The following ZNF474 variants were observed in gnomAD, a reference collection of about 807,000 sequenced individuals.
ZNF474 encodes the protein zinc finger protein 474.
For missense variants in ZNF474, 511 were observed against 433.8 expected (o/e 1.18, Z -1.58); for synonymous variants, 192 against 162.2 (o/e 1.18, Z -1.39).
chr5:122,152,691 T>A lies in ZNF474; in HGVS notation c.701T>A (p.Leu234Gln). The change falls in exon 2 of 2, where the codon CTG becomes CAG. Residue 234 changes from leucine (L) to glutamine (Q), a missense_variant. Leu to Gln is a moderately radical substitution (Grantham distance 113). Coordinates refer to ENST00000296600, the MANE Select transcript of ZNF474 (RefSeq NM_207317.3). The part of the protein sequence containing the change: ...CYICGKEFGT[L>Q]SLPIHEPKCL... The stretch of plus-strand genomic sequence containing the variant: ...ATATGTGGTAAGGAATTTGGCACCC[T>A]GTCCCTTCCTATTCATGAGCCCAAA... The A allele has an allele frequency of 6.2e-7, 1 of 1,614,196 alleles. No homozygotes were observed. Among genetic ancestry groups the A allele is most frequent in the Non-Finnish European group, 8.5e-7 (1 of 1,180,034 alleles).
chr5:122,145,333 C>T (rs924391985), intron 1 of ZNF474, among the ~76,000 whole-genome samples: 3 of 152,148 alleles, frequency 2.0e-5, no homozygotes, highest in African/African-American at 4.8e-5. Context: ...GCCTCTAGGT[C>T]CCAGCTGCTC....
At chr5:122,145,436 G>C (rs922715800) in intron 1 of ZNF474, among the ~76,000 whole-genome samples, 1 of 152,268 alleles carries the variant, frequency 6.6e-6, no homozygotes, top group South Asian at 2.1e-4. Flanking sequence ...CAGAACCAGT[G>C]AGAATGAGCC....
Position 122,148,304 on chromosome 5 carries a change from TA to T in ZNF474, c.-212-3474del, listed in dbSNP as rs1756043688. Among the ~76,000 whole-genome samples the T allele has an allele frequency of 2.0e-5, 3 of 152,300 alleles. No individual in the cohort carries two copies. The South Asian group carries it at 6.2e-4, about 32-fold the overall frequency. Reference sequence around the variant, plus strand: ...CTCATCTTTCATATTTTGATACCTTTAGTCACAATAAGGGAAAAATTTCAGG... The same window carrying T: ...CTCATCTTTCATATTTTGATACCTTTGTCACAATAAGGGAAAAATTTCAGG... On this transcript the variant is annotated intron_variant, in intron 1 of 1. Transcript: ENST00000296600.
At chr5:122,137,110 A>G (rs1382073114) in intron 1 of ZNF474, among the ~76,000 whole-genome samples, 1 of 152,170 alleles carries the variant, frequency 6.6e-6, no homozygotes, top group Non-Finnish European at 1.5e-5. Flanking sequence ...GGTGATGGTG[A>G]TATCAGTTCC....
intron 1 of ZNF474, among the ~76,000 whole-genome samples, chr5:122,136,430 T>A (rs926594565): frequency 2.0e-5 from 3 of 152,194 alleles, no homozygotes; most frequent in African/African-American, 7.2e-5. Flanking sequence ...TGATTCTCCT[T>A]CAGCTTTCTA....
intron 1 of ZNF474, among the ~76,000 whole-genome samples, chr5:122,134,218 A>G (rs1214078861): frequency 6.6e-6 from 1 of 152,190 alleles, no homozygotes; most frequent in Non-Finnish European, 1.5e-5. Flanking sequence ...AGAGAGGGAG[A>G]ATATAAAGAA....
Position 122,152,286 on chromosome 5 carries a change from T to C in ZNF474, c.296T>C (p.Ile99Thr), listed in dbSNP as rs111823798. 6.2e-7 allele frequency: 1 copy of C among 1,614,192 alleles called. No individual in the cohort carries two copies. Among genetic ancestry groups the C allele is most frequent in the South Asian group, 1.1e-5 (1 of 91,082 alleles). The change falls in exon 2 of 2, where the codon ATC (isoleucine) becomes ACC (threonine). Residue 99 changes from isoleucine (I) to threonine (T), a missense_variant. Transcript: ENST00000296600. ...AGGCCTGGATTCCGGGTATGCTATA[T>C]CTGTGGCCGAGAATTTGGGTCCCAG... ...ARRPGFRVCY[I>T]CGREFGSQSI...
Position 122,139,085 on chromosome 5 carries a change from T to C in ZNF474, c.-213+9402T>C, listed in dbSNP as rs750754845. On this transcript the variant is annotated intron_variant, in intron 1 of 1. Transcript: ENST00000296600. ...CATTAAAATCAGATAAATCTTGGAT[T>C]GCTTTATCTGTTCAGTTCCAAGTGA... Among the ~76,000 whole-genome samples the C allele has an allele frequency of 6.4e-4, 97 of 152,342 alleles. 1 individual carries two copies. The highest frequency in any genetic ancestry group is 1.2e-3 in the Non-Finnish European group (82 of 68,036).
chr5:122,140,718 T>C (rs1755815195), intron 1 of ZNF474, among the ~76,000 whole-genome samples: 2 of 152,210 alleles, frequency 1.3e-5, no homozygotes, highest in Non-Finnish European at 2.9e-5. Flanking sequence ...CATTAGTCTT[T>C]GTTTGACACT....
At position 122,144,671 on chromosome 5, in the gene ZNF474, A is replaced by G. The variant is rs530193067; in HGVS notation, c.-212-7108A>G. ...GAAAAAGACATATTGGTATAGAGCT[A>G]TCCTGTTGGAAGAAAATTATCCTAA... is the stretch of plus-strand genomic sequence containing the variant. On this transcript the variant is annotated intron_variant, in intron 1 of 1. Coordinates refer to ENST00000296600, the MANE Select transcript of ZNF474 (RefSeq NM_207317.3). Among the ~76,000 whole-genome samples the G allele has an allele frequency of 9.2e-5, 14 of 152,372 alleles. 1 individual carries two copies. The South Asian group carries it at 2.9e-3, about 32-fold the overall frequency.
At chr5:122,138,356 G>A (rs928701371) in intron 1 of ZNF474, among the ~76,000 whole-genome samples, 1 of 152,124 alleles carries the variant, frequency 6.6e-6, no homozygotes, top group Non-Finnish European at 1.5e-5. Flanking sequence ...CACAATAAGA[G>A]GGGGAATCTA....
intron 1 of ZNF474, 112 bp from the exon 2 acceptor site, chr5:122,151,667 C>CA (rs199993754): frequency 4.9e-4 from 85 of 172,580 alleles, no homozygotes; most frequent in Middle Eastern, 2.6e-3. Context: ...TTAAAACAAG[C>CA]AAAAAAAAAG....
intron 1 of ZNF474, among the ~76,000 whole-genome samples, chr5:122,146,011 T>A (rs1021715343): frequency 6.6e-6 from 1 of 152,180 alleles, no homozygotes; most frequent in African/African-American, 2.4e-5. Context: ...TTGGTTGGAT[T>A]CAGCTGCTGC....
intron 1 of ZNF474, among the ~76,000 whole-genome samples, chr5:122,132,879 T>TAAGCCTAAATTAATA (rs1755613445): frequency 6.6e-6 from 1 of 152,230 alleles, no homozygotes; most frequent in South Asian, 2.1e-4. Context: ...TTAATTTTAA[T>TAAGCCTAAATTAATA]AAGCCAACTT....
chr5:122,152,253 CG>C lies in ZNF474; in HGVS notation c.265del (p.Ala89ProfsTer43), dbSNP rs1756204773. On this transcript the variant is annotated frameshift_variant, in exon 2 of 2. Coordinates refer to ENST00000296600, the MANE Select transcript of ZNF474 (RefSeq NM_207317.3). LOFTEE classifies it low-confidence loss of function (END_TRUNC). ...SESQLSPPVI[P>X]ARRPGFRVCY... is the part of the protein sequence containing the mutation. ...AGCCAGCTTAGCCCCCCTGTGATCC[CG>C]GCCCGCAGGCCTGGATTCCGGGTAT... is the stretch of plus-strand genomic sequence containing the variant. 1 of 1,614,118 alleles carries C rather than the reference CG, an allele frequency of 6.2e-7. No individual in the cohort carries two copies. Among genetic ancestry groups the C allele is most frequent in the Admixed American group, 1.7e-5 (1 of 60,012 alleles).
chr5:122,150,194 C>T (rs1007151240), intron 1 of ZNF474, among the ~76,000 whole-genome samples: 24 of 152,100 alleles, frequency 1.6e-4, no homozygotes, highest in Admixed American at 7.2e-4. Context: ...TCCTATGTTC[C>T]ATAGATCTAC....
intron 1 of ZNF474, among the ~76,000 whole-genome samples, chr5:122,139,821 T>G (rs375530611): frequency 6.6e-6 from 1 of 152,232 alleles, no homozygotes; most frequent in Non-Finnish European, 1.5e-5. Context: ...AGAGTAAACT[T>G]GTTATTTCTC....
intron 1 of ZNF474, among the ~76,000 whole-genome samples, chr5:122,140,365 T>G (rs1755807534): frequency 6.6e-6 from 1 of 152,310 alleles, no homozygotes; most frequent in South Asian, 2.1e-4. Context: ...TAGTATAATA[T>G]CCACACTATA....
At chr5:122,139,929 G>A (rs1755793341) in intron 1 of ZNF474, among the ~76,000 whole-genome samples, 1 of 152,166 alleles carries the variant, frequency 6.6e-6, no homozygotes. Flanking sequence ...TACAAGCACA[G>A]TGGACAGGAA....
Sources: allele counts gnomAD v4.1 joint callset (sites outside exome capture counted in the v4.1 genomes callset), GRCh38; gene constraint gnomAD v4.1.1; transcripts MANE v1.5; gene names NCBI Gene and HGNC (gene_info 2026-07-23, HGNC 2026-07-21).